Variants in GALNTL6 observed in about 807,000 individuals in gnomAD.
GALNTL6 encodes polypeptide N-acetylgalactosaminyltransferase-like 6.
GALNTL6 carries 46 observed loss-of-function variants against 73.7 expected under a neutral mutation model. The ratio of observed to expected loss-of-function variants is 0.62; its 90% CI spans 0.49 to 0.80. The LOEUF (loss-of-function observed/expected upper bound fraction) is 0.80. Ranked by LOEUF, GALNTL6 falls within the 30% of genes least tolerant of loss-of-function variation. The pLI, the probability that GALNTL6 is intolerant of heterozygous loss-of-function variation, is 0.00. For synonymous variants in GALNTL6, 259 were observed against 263.7 expected (o/e 0.98, Z 0.17); for missense variants, 604 against 755.0 (o/e 0.80, Z 2.34).
At chr4:172,238,813 G>T (rs1019312070) in intron 3 of GALNTL6, among the ~76,000 whole-genome samples, 1 of 152,050 alleles carries the variant, frequency 6.6e-6, no homozygotes, top group South Asian at 2.1e-4. Context: ...AATATAAAGG[G>T]ATGCTGAATT....
chr4:173,014,064 A>C (rs1752674143), intron 11 of GALNTL6, among the ~76,000 whole-genome samples: 1 of 152,218 alleles, frequency 6.6e-6, no homozygotes, highest in Non-Finnish European at 1.5e-5. Flanking sequence ...AAAGTGGCAA[A>C]AATTAAAAAA....
chr4:172,890,718 A>G (rs1745985501), intron 8 of GALNTL6, among the ~76,000 whole-genome samples: 1 of 152,182 alleles, frequency 6.6e-6, no homozygotes, highest in Admixed American at 6.5e-5. Context: ...CAGTTGGTCA[A>G]GTGTTGGATT....
intron 3 of GALNTL6, among the ~76,000 whole-genome samples, chr4:172,237,980 T>C (rs572962760): frequency 6.6e-6 from 1 of 152,302 alleles, no homozygotes; most frequent in African/African-American, 2.4e-5. Context: ...GCTGTTTTTA[T>C]TACTGTAGGC....
chr4:172,097,849 G>A (rs1442955675), intron 2 of GALNTL6, among the ~76,000 whole-genome samples: 1 of 152,004 alleles, frequency 6.6e-6, no homozygotes, highest in Non-Finnish European at 1.5e-5. Flanking sequence ...CAGTCAGCAT[G>A]TTTGCTCTTT....
chr4:172,792,000 C>T (rs1740019895), intron 5 of GALNTL6, among the ~76,000 whole-genome samples: 1 of 152,192 alleles, frequency 6.6e-6, no homozygotes, highest in Non-Finnish European at 1.5e-5. Flanking sequence ...CTAAGGATCT[C>T]ACTGCCTAGA....
At chr4:172,020,176 T>C (rs992278745) in intron 2 of GALNTL6, among the ~76,000 whole-genome samples, 3 of 151,882 alleles carry the variant, frequency 2.0e-5, no homozygotes, top group African/African-American at 7.2e-5. Context: ...AGTACTAAGA[T>C]GGAAGTTTAT....
intron 7 of GALNTL6, among the ~76,000 whole-genome samples, chr4:172,863,233 A>G (rs1447264903): frequency 6.6e-6 from 1 of 152,218 alleles, no homozygotes; most frequent in Non-Finnish European, 1.5e-5. Context: ...CAGAGTCCCC[A>G]CTGGGGCACT....
At chr4:171,854,073 G>A (rs1735610098) in intron 2 of GALNTL6, among the ~76,000 whole-genome samples, 2 of 152,136 alleles carry the variant, frequency 1.3e-5, no homozygotes, top group Admixed American at 1.3e-4. Context: ...ACTATTCATT[G>A]TGAAATATAT....
intron 5 of GALNTL6, among the ~76,000 whole-genome samples, chr4:172,608,536 T>C (rs1738396218): frequency 6.6e-6 from 1 of 152,206 alleles, no homozygotes; most frequent in Admixed American, 6.5e-5. Flanking sequence ...ACTGTAGCTT[T>C]ATAGTATAGT....
At chr4:172,243,868 C>T (rs1241847617) in intron 3 of GALNTL6, among the ~76,000 whole-genome samples, 1 of 152,092 alleles carries the variant, frequency 6.6e-6, no homozygotes, top group Non-Finnish European at 1.5e-5. Flanking sequence ...GAAATGTGCA[C>T]CATTTGGGTG....
intron 2 of GALNTL6, among the ~76,000 whole-genome samples, chr4:171,896,059 CTAACA>C (rs144728929): frequency 0.015 from 2,274 of 152,040 alleles, 59 homozygotes; most frequent in African/African-American, 0.052. Context: ...ACTAAATAAC[CTAACA>C]TAAGTGTCAT....
intron 5 of GALNTL6, among the ~76,000 whole-genome samples, chr4:172,559,058 ATTT>A (rs71592081): frequency 5.2e-5 from 4 of 77,378 alleles, no homozygotes; most frequent in Non-Finnish European, 6.6e-5. Flanking sequence ...ATGATAATGG[ATTT>A]TTTTTTTTTT....
intron 5 of GALNTL6, among the ~76,000 whole-genome samples, chr4:172,482,090 G>A (rs1025647180): frequency 2.6e-5 from 4 of 152,188 alleles, no homozygotes; most frequent in Admixed American, 1.3e-4. Context: ...GGGACCCGGC[G>A]CCCCCTCCAC....
chr4:171,859,357 T>G (rs1735772058), intron 2 of GALNTL6, among the ~76,000 whole-genome samples: 1 of 152,132 alleles, frequency 6.6e-6, no homozygotes, highest in South Asian at 2.1e-4. Context: ...ATGATATATT[T>G]TTAGGCTCCC....
At chr4:171,822,439 C>T (rs1006811353) in intron 2 of GALNTL6, among the ~76,000 whole-genome samples, 9 of 152,024 alleles carry the variant, frequency 5.9e-5, no homozygotes, top group Non-Finnish European at 1.0e-4. Flanking sequence ...CAGTTCCACA[C>T]GTGGAAACAC....
At chr4:172,379,241 A>T (rs1396240993) in intron 5 of GALNTL6, among the ~76,000 whole-genome samples, 1 of 152,216 alleles carries the variant, frequency 6.6e-6, no homozygotes, top group Non-Finnish European at 1.5e-5. Context: ...ATTCTAAAGA[A>T]CAGGTTAGGC....
chr4:171,942,228 T>C (rs1441297985), intron 2 of GALNTL6, among the ~76,000 whole-genome samples: 2 of 41,796 alleles, frequency 4.8e-5, no homozygotes, highest in Non-Finnish European at 1.6e-4. Flanking sequence ...CGGTCTCCAA[T>C]AAAAAATAAA....
chr4:171,856,561 C>T (rs1476213103), intron 2 of GALNTL6, among the ~76,000 whole-genome samples: 1 of 152,078 alleles, frequency 6.6e-6, no homozygotes. Context: ...TATATTTAGG[C>T]CTGTGATCTA....
chr4:172,054,923 A>G (rs1404598455), intron 2 of GALNTL6, among the ~76,000 whole-genome samples: 1 of 152,158 alleles, frequency 6.6e-6, no homozygotes, highest in Non-Finnish European at 1.5e-5. Flanking sequence ...TTACAACTTA[A>G]AGTTGAAGAG....
Sources: gnomAD v4.1 joint callset for allele counts (sites outside exome capture counted in the v4.1 genomes callset) on GRCh38, gnomAD v4.1.1 for gene constraint, MANE v1.5 for transcripts, NCBI Gene and HGNC (gene_info 2026-07-23, HGNC 2026-07-21) for gene names.